Variants in AK5 observed in about 807,000 individuals in gnomAD.
The protein encoded by AK5 is adenylate kinase isoenzyme 5.
Under a neutral mutation model 69.5 loss-of-function variants are expected in AK5, and 27 were observed. That is an observed-to-expected ratio of 0.39 (90% CI 0.29 to 0.54). The LOEUF is 0.54. Among genes scored for constraint, AK5 ranks in the 20% least tolerant of loss-of-function variants. The pLI is 0.71. For missense variants in AK5, 531 were observed against 700.4 expected (o/e 0.76, Z 2.73); for synonymous variants, 260 against 244.4 (o/e 1.06, Z -0.60).
intron 8 of AK5, among the ~76,000 whole-genome samples, chr1:77,466,339 CTATACTT>C (rs1306028359): frequency 6.6e-6 from 1 of 152,186 alleles, no homozygotes; most frequent in African/African-American, 2.4e-5. Flanking sequence ...TCCTAGAACT[CTATACTT>C]TATATACACC....
At chr1:77,555,004 T>C (rs536381277) in intron 13 of AK5, among the ~76,000 whole-genome samples, 1 of 152,210 alleles carries the variant, frequency 6.6e-6, no homozygotes, top group East Asian at 1.9e-4. Flanking sequence ...TTAAAAACTC[T>C]TACATGGGCT....
chr1:77,358,018 T>TGTGTGTGTGTGTGTGTGAGAGA (rs762714026), intron 6 of AK5, among the ~76,000 whole-genome samples: 7 of 128,272 alleles, frequency 5.5e-5, no homozygotes, highest in East Asian at 2.5e-4. Flanking sequence ...TGTGTGTGTG[T>TGTGTGTGTGTGTGTGTGAGAGA]GAGAGAGAGA....
chr1:77,535,712 C>A, intron 12 of AK5, 135 bp from the exon 13 acceptor site: 1 of 721,094 alleles, frequency 1.4e-6, no homozygotes, highest in Non-Finnish European at 2.2e-6. Context: ...CCAGTCCCAG[C>A]TGCACCATAG....
At chr1:77,466,513 A>T (rs1461994678) in intron 8 of AK5, among the ~76,000 whole-genome samples, 3 of 152,218 alleles carry the variant, frequency 2.0e-5, no homozygotes, top group African/African-American at 7.2e-5. Context: ...CTCAAAGCTG[A>T]ATAAAGACCT....
At chr1:77,404,211 A>C (rs927245815) in intron 6 of AK5, among the ~76,000 whole-genome samples, 21 of 152,298 alleles carry the variant, frequency 1.4e-4, no homozygotes, top group Non-Finnish European at 1.5e-5. Context: ...TAAGGGCTTC[A>C]CAATTTTTTC....
chr1:77,367,569 A>ATGTTATATATATATGT lies in AK5; in HGVS notation c.891+27002_891+27003insGTTATATATATATGTT, dbSNP rs1462793828. ...ATTTATGTTATTTTTATATATATAT[A>ATGTTATATATATATGT]TATATATATAATATATATGTTATAT... On this transcript the variant is annotated intron_variant, in intron 6 of 13. Transcript: ENST00000354567. Among the ~76,000 whole-genome samples, 227 of 31,636 alleles carry ATGTTATATATATATGT rather than the reference A, an allele frequency of 7.2e-3. 18 individuals carry two copies. The highest frequency in any genetic ancestry group is 0.019 in the African/African-American group (203 of 10,532). 20.8% of individuals were successfully genotyped at this position (31,636 alleles called of 152,430 possible). A position where few individuals can be genotyped will look rare whatever the true frequency, so the allele number is the denominator to read the frequency against.
chr1:77,533,408 T>C (rs1189150538), intron 12 of AK5, among the ~76,000 whole-genome samples: 1 of 146,264 alleles, frequency 6.8e-6, no homozygotes, highest in Non-Finnish European at 1.5e-5. Context: ...CCCAGCTACT[T>C]GGGAGGCTAA....
intron 8 of AK5, among the ~76,000 whole-genome samples, chr1:77,418,673 C>T (rs529186008): frequency 7.9e-5 from 12 of 152,256 alleles, no homozygotes; most frequent in African/African-American, 1.9e-4. Flanking sequence ...AACTTTCTTC[C>T]GCCTCTCATC....
chr1:77,482,024 TC>T (rs1261946120), intron 8 of AK5, among the ~76,000 whole-genome samples: 6 of 152,192 alleles, frequency 3.9e-5, no homozygotes, highest in African/African-American at 1.4e-4. Context: ...GATACATTGA[TC>T]AGAGAAAAAG....
intron 6 of AK5, among the ~76,000 whole-genome samples, chr1:77,375,630 G>C (rs1409944014): frequency 6.6e-6 from 1 of 152,176 alleles, no homozygotes; most frequent in African/African-American, 2.4e-5. Flanking sequence ...CTAGGTCCCT[G>C]TCTAGGAGTA....
chr1:77,535,160 A>C (rs1658888429), intron 12 of AK5, among the ~76,000 whole-genome samples: 1 of 152,228 alleles, frequency 6.6e-6, no homozygotes, highest in African/African-American at 2.4e-5. Flanking sequence ...AACCAGACAG[A>C]AACTGCAAAC....
chr1:77,470,112 C>G (rs1160432980), intron 8 of AK5, among the ~76,000 whole-genome samples: 1 of 152,180 alleles, frequency 6.6e-6, no homozygotes, highest in African/African-American at 2.4e-5. Flanking sequence ...TTCTCACTTA[C>G]AAATAAAGGA....
intron 3 of AK5, among the ~76,000 whole-genome samples, chr1:77,296,258 A>C (rs1288377668): frequency 1.3e-5 from 2 of 152,152 alleles, no homozygotes; most frequent in African/African-American, 4.8e-5. Context: ...AACAGATACG[A>C]ATCTCTCTCA....
At chr1:77,371,746 A>G (rs758426348) in intron 6 of AK5, among the ~76,000 whole-genome samples, 2 of 152,236 alleles carry the variant, frequency 1.3e-5, no homozygotes, top group African/African-American at 2.4e-5. Flanking sequence ...CATTTAATAA[A>G]TGGAAGTCTC....
At chr1:77,521,477 C>T (rs1469790379) in intron 11 of AK5, among the ~76,000 whole-genome samples, 3 of 152,056 alleles carry the variant, frequency 2.0e-5, no homozygotes, top group Admixed American at 6.6e-5. Flanking sequence ...TTTTAAATTG[C>T]CATTATGCCT....
At chr1:77,406,433 C>T (rs1649645881) in intron 6 of AK5, among the ~76,000 whole-genome samples, 1 of 151,884 alleles carries the variant, frequency 6.6e-6, no homozygotes, top group African/African-American at 2.4e-5. Context: ...ACAAAAGTAT[C>T]AGAGATGAGA....
chr1:77,459,545 T>C (rs1463722911), intron 8 of AK5, among the ~76,000 whole-genome samples: 1 of 152,228 alleles, frequency 6.6e-6, no homozygotes, highest in Non-Finnish European at 1.5e-5. Flanking sequence ...GAACACAGTC[T>C]GCTGGGCCCC....
At position 77,375,315 on chromosome 1, in the gene AK5, T is replaced by C. The variant is rs560433772; in HGVS notation, c.891+34747T>C. Among the ~76,000 whole-genome samples the C allele has an allele frequency of 1.2e-4, 19 of 152,300 alleles. 1 individual carries two copies. In the South Asian group the frequency reaches 3.9e-3, roughly 32 times the overall value. On this transcript the variant is annotated intron_variant, in intron 6 of 13. Coordinates refer to ENST00000354567, the MANE Select transcript of AK5 (RefSeq NM_174858.3). The stretch of plus-strand genomic sequence containing the variant: ...AAACTTGATCAGTAGCCCATTTACG[T>C]GCTGTGTTGAGGCAGGTGAACAATT...
intron 8 of AK5, among the ~76,000 whole-genome samples, chr1:77,457,505 T>C (rs1233235374): frequency 6.6e-6 from 1 of 152,194 alleles, no homozygotes; most frequent in Non-Finnish European, 1.5e-5. Context: ...ATCTGTTCTA[T>C]TGAGTTTATT....
Sources: allele counts gnomAD v4.1 joint callset (sites outside exome capture counted in the v4.1 genomes callset), GRCh38; gene constraint gnomAD v4.1.1; transcripts MANE v1.5; gene names NCBI Gene and HGNC (gene_info 2026-07-23, HGNC 2026-07-21).